The following MAML3 variants were observed in gnomAD, a reference collection of about 807,000 sequenced individuals.
MAML3 encodes mastermind like transcriptional coactivator 3.
A neutral mutation model predicts 101.9 loss-of-function variants in MAML3; 27 were observed. The ratio of observed to expected loss-of-function variants is 0.27; its 90% CI spans 0.20 to 0.37. MAML3 has a LOEUF of 0.37. MAML3 is among the 10% of genes least tolerant of loss of function. MAML3 has a pLI of 1.00. For missense variants in MAML3, 1,316 were observed against 1,444.9 expected (o/e 0.91, Z 1.45); for synonymous variants, 501 against 555.9 (o/e 0.90, Z 1.39).
intron 2 of MAML3, among the ~76,000 whole-genome samples, chr4:139,733,849 G>A (rs774886933): frequency 3.3e-5 from 5 of 152,106 alleles, no homozygotes; most frequent in Admixed American, 6.5e-5. Context: ...ACCATGCCCT[G>A]CTAATTTTTA....
chr4:140,075,791 C>T (rs990434331), intron 1 of MAML3, among the ~76,000 whole-genome samples: 15 of 151,528 alleles, frequency 9.9e-5, no homozygotes, highest in African/African-American at 3.4e-4. Context: ...GACAGGGTCT[C>T]TCTCTGTCGC....
intron 1 of MAML3, among the ~76,000 whole-genome samples, chr4:140,125,107 T>C (rs181179310): frequency 6.6e-6 from 1 of 152,226 alleles, no homozygotes; most frequent in African/African-American, 2.4e-5. Flanking sequence ...ATTCTGAAAT[T>C]TAGACATTCA....
At chr4:139,758,190 G>A (rs952734290) in intron 2 of MAML3, among the ~76,000 whole-genome samples, 2 of 152,124 alleles carry the variant, frequency 1.3e-5, no homozygotes, top group African/African-American at 4.8e-5. Context: ...CCCTCCACAG[G>A]TCAACTCAGG....
chr4:139,898,430 C>T (rs1732653944), intron 1 of MAML3, among the ~76,000 whole-genome samples: 1 of 152,196 alleles, frequency 6.6e-6, no homozygotes, highest in Non-Finnish European at 1.5e-5. Flanking sequence ...GCGACATTAC[C>T]ATGGTCACAT....
At chr4:139,830,996 G>A (rs769116900) in intron 2 of MAML3, among the ~76,000 whole-genome samples, 1 of 152,050 alleles carries the variant, frequency 6.6e-6, no homozygotes, top group African/African-American at 2.4e-5. Context: ...GGGCATATTG[G>A]GTACTCCACA....
chr4:139,949,290 C>T (rs1369318848), intron 1 of MAML3, among the ~76,000 whole-genome samples: 2 of 152,196 alleles, frequency 1.3e-5, no homozygotes, highest in African/African-American at 4.8e-5. Flanking sequence ...GCTGGGATTA[C>T]AGGCGTGAGC....
intron 1 of MAML3, among the ~76,000 whole-genome samples, chr4:139,958,479 G>T (rs918825284): frequency 6.6e-5 from 10 of 152,150 alleles, no homozygotes; most frequent in East Asian, 1.9e-4. Context: ...AAGCTAAAAG[G>T]TTCGGTGTAC....
At chr4:139,795,956 GTA>G (rs1730504652) in intron 2 of MAML3, among the ~76,000 whole-genome samples, 1 of 152,184 alleles carries the variant, frequency 6.6e-6, no homozygotes, top group Non-Finnish European at 1.5e-5. Context: ...AAGTGTGACT[GTA>G]TCTTCTTTAG....
At chr4:140,060,076 C>T (rs1727418494) in intron 1 of MAML3, among the ~76,000 whole-genome samples, 1 of 152,054 alleles carries the variant, frequency 6.6e-6, no homozygotes, top group Non-Finnish European at 1.5e-5. Flanking sequence ...TTAGAAGCTA[C>T]AAGCCTAGGC....
At position 139,719,210 on chromosome 4, in the gene MAML3, G is replaced by T. The variant is rs1728119119; in HGVS notation, c.*113C>A. On this transcript the variant is annotated 3_prime_UTR_variant, in exon 5 of 5. Transcript: ENST00000509479. ...TCCATTGTCAGCCAGCTGCAGTTTT[G>T]CTCAGTTTACGTGGGTCAAAAAAAC... The T allele has an allele frequency of 2.4e-6, 3 of 1,242,692 alleles. No individual in the cohort carries two copies. Among genetic ancestry groups the T allele is most frequent in the African/African-American group, 1.5e-5 (1 of 66,076 alleles). The allele number at this position is 1,242,692 out of a possible 1,614,324, so 77.0% of individuals were successfully genotyped here. A position where few individuals can be genotyped will look rare whatever the true frequency, so the allele number is the denominator to read the frequency against.
chr4:139,898,557 G>C (rs957619797), intron 1 of MAML3, among the ~76,000 whole-genome samples: 2 of 152,260 alleles, frequency 1.3e-5, no homozygotes, highest in Non-Finnish European at 2.9e-5. Context: ...AACCAAAAGT[G>C]TGAGTGAGCT....
At chr4:140,011,136 TACACATATGTC>T (rs1421612355) in intron 1 of MAML3, among the ~76,000 whole-genome samples, 1,711 of 111,030 alleles carry the variant, frequency 0.015, 24 homozygotes, top group East Asian at 0.038. Flanking sequence ...TATATATATA[TACACATATGTC>T]ATATATATTT....
In MAML3 at chr4:140,053,633, T is replaced by G. The variant is rs35837803; in HGVS notation, c.468+99227A>C. 8.4e-3 allele frequency among the ~76,000 whole-genome samples: 1,275 copies of G among 152,250 alleles called. 6 individuals are homozygous for G. Among genetic ancestry groups the G allele is most frequent in the Non-Finnish European group, 0.014 (978 of 68,006 alleles). On this transcript the variant is annotated intron_variant, in intron 1 of 4. Coordinates refer to ENST00000509479, the MANE Select transcript of MAML3 (RefSeq NM_018717.5). ...ATTTTAAAATTTTTGACTGAATATA[T>G]CAGGGGCCAGCAAATCTTTTTTTCT...
At chr4:139,810,828 G>A (rs1050713320) in intron 2 of MAML3, among the ~76,000 whole-genome samples, 5 of 152,208 alleles carry the variant, frequency 3.3e-5, no homozygotes, top group African/African-American at 1.2e-4. Context: ...AATCCTGATT[G>A]TACTTGAGGA....
intron 1 of MAML3, among the ~76,000 whole-genome samples, chr4:140,101,392 A>G (rs938958994): frequency 1.3e-5 from 2 of 152,210 alleles, no homozygotes; most frequent in Admixed American, 1.3e-4. Flanking sequence ...GAAACTCACC[A>G]GGCTCTTGGA....
chr4:140,148,070 T>C (rs1310071677), intron 1 of MAML3, among the ~76,000 whole-genome samples: 1 of 152,214 alleles, frequency 6.6e-6, no homozygotes, highest in Non-Finnish European at 1.5e-5. Context: ...TCTATTTTAC[T>C]ATTAAATTCC....
At chr4:139,814,280 G>A (rs772645282) in intron 2 of MAML3, among the ~76,000 whole-genome samples, 5 of 152,182 alleles carry the variant, frequency 3.3e-5, no homozygotes, top group Admixed American at 6.5e-5. Context: ...AATTTGTAAA[G>A]CTTTGGAGAG....
chr4:139,791,592 T>C (rs565119368), intron 2 of MAML3, among the ~76,000 whole-genome samples: 1 of 151,318 alleles, frequency 6.6e-6, no homozygotes, highest in African/African-American at 2.4e-5. Flanking sequence ...AAATATAATA[T>C]AAAGAAGTTT....
chr4:139,761,157 A>G (rs1729750194), intron 2 of MAML3, among the ~76,000 whole-genome samples: 1 of 152,138 alleles, frequency 6.6e-6, no homozygotes, highest in South Asian at 2.1e-4. Context: ...ATGGGGTTTC[A>G]CCATGTTGGC....
Sources: allele counts gnomAD v4.1 joint callset (sites outside exome capture counted in the v4.1 genomes callset), GRCh38; gene constraint gnomAD v4.1.1; transcripts MANE v1.5; gene names NCBI Gene and HGNC (gene_info 2026-07-23, HGNC 2026-07-21).